IQCJ: variants seen among roughly 807,000 people sequenced by gnomAD.
IQCJ encodes IQ domain-containing protein J.
IQCJ carries 9 observed loss-of-function variants against 11.0 expected under a neutral mutation model. The ratio of observed to expected loss-of-function variants is 0.82; its 90% CI spans 0.49 to 1.43. IQCJ has a LOEUF of 1.43. IQCJ is among the 40% of genes most tolerant of loss of function. The pLI is 0.00. For missense variants in IQCJ, 146 were observed against 133.2 expected, an observed-to-expected ratio of 1.10 and a Z score of -0.47; for synonymous variants, 55 against 51.3, an observed-to-expected ratio of 1.07 and a Z score of -0.31.
chr3:159,115,961 C>T (rs1373781586), intron 1 of IQCJ, among the ~76,000 whole-genome samples: 1 of 152,020 alleles, frequency 6.6e-6, no homozygotes, highest in Non-Finnish European at 1.5e-5. Context: ...AGGAGAAATA[C>T]CTAATGTAGA....
downstream of IQCJ, among the ~76,000 whole-genome samples, chr3:159,264,542 C>T (rs1044696443): frequency 2.0e-5 from 3 of 152,222 alleles, no homozygotes; most frequent in East Asian, 1.9e-4. Flanking sequence ...TCCTGTAGCC[C>T]CACCATATCA....
intron 1 of IQCJ, among the ~76,000 whole-genome samples, chr3:159,237,219 A>G (rs1368237560): frequency 6.6e-6 from 1 of 152,206 alleles, no homozygotes; most frequent in Non-Finnish European, 1.5e-5. Flanking sequence ...TCTGATTTTA[A>G]ACCTGTCCAA....
chr3:159,173,338 C>T (rs1436534911), intron 1 of IQCJ, among the ~76,000 whole-genome samples: 5 of 152,160 alleles, frequency 3.3e-5, no homozygotes, highest in Admixed American at 6.5e-5. Flanking sequence ...GTCCTTGGAA[C>T]TCAGATGGTT....
chr3:159,173,694 G>A (rs917804950), intron 1 of IQCJ, among the ~76,000 whole-genome samples: 2 of 152,094 alleles, frequency 1.3e-5, no homozygotes, highest in African/African-American at 4.8e-5. Flanking sequence ...GAAGTTTGCT[G>A]CCAACTGATT....
Position 159,257,575 on chromosome 3 carries a change from G to A in IQCJ, c.155+4768G>A, listed in dbSNP as rs1727968161. 2.0e-5 allele frequency among the ~76,000 whole-genome samples: 3 copies of A among 152,188 alleles called. No individual in the cohort carries two copies. The South Asian group carries it at 6.2e-4, about 32-fold the overall frequency. Reference sequence around the variant, plus strand: ...AACCGGGCGGATACTGGAGTGGAGGGGAAGCAGGCTGGAAAGAGAGGGCAG... The same window carrying A: ...AACCGGGCGGATACTGGAGTGGAGGAGAAGCAGGCTGGAAAGAGAGGGCAG... On this transcript the variant is annotated intron_variant, in intron 3 of 3. Transcript: ENST00000397832.
intron 1 of IQCJ, among the ~76,000 whole-genome samples, chr3:159,218,353 G>T (rs1725349375): frequency 6.6e-6 from 1 of 151,532 alleles, no homozygotes; most frequent in South Asian, 2.1e-4. Context: ...GTGTGTGTGT[G>T]TGTGTGTGTG....
At chr3:159,229,440 G>A (rs912024400) in intron 1 of IQCJ, among the ~76,000 whole-genome samples, 1 of 151,798 alleles carries the variant, frequency 6.6e-6, no homozygotes, top group Non-Finnish European at 1.5e-5. Context: ...CCTTTCCTTC[G>A]CTCTGGTTAT....
In IQCJ at chr3:159,252,713, A is replaced by G; in HGVS notation, c.75-14A>G. ...CTGGATTGGGAGATATTGAGACATTATTTCTGTTTCTAGTCACCAGCTGGC... is the reference window on the plus strand; with the variant it reads ...CTGGATTGGGAGATATTGAGACATTGTTTCTGTTTCTAGTCACCAGCTGGC... On this transcript the variant is annotated splice_polypyrimidine_tract_variant and intron_variant, in intron 2 of 3. Coordinates refer to ENST00000397832, the MANE Select transcript of IQCJ (RefSeq NM_001042706.3). 1.9e-6 allele frequency: 3 copies of G among 1,609,218 alleles called. No individual in the cohort carries two copies. Among genetic ancestry groups the G allele is most frequent in the South Asian group, 1.1e-5 (1 of 90,188 alleles).
chr3:159,090,220 G>T (rs1717153251), intron 1 of IQCJ, among the ~76,000 whole-genome samples: 1 of 151,654 alleles, frequency 6.6e-6, no homozygotes, highest in Admixed American at 6.6e-5. Flanking sequence ...GTGCCTCCCG[G>T]TTAGGCTGCT....
chr3:159,139,477 A>G (rs1330064480), intron 1 of IQCJ, among the ~76,000 whole-genome samples: 1 of 152,190 alleles, frequency 6.6e-6, no homozygotes, highest in African/African-American at 2.4e-5. Context: ...TTTACTGTCA[A>G]GTCACCAAGC....
chr3:159,138,525 A>G (rs1368479512), intron 1 of IQCJ, among the ~76,000 whole-genome samples: 1 of 152,198 alleles, frequency 6.6e-6, no homozygotes, highest in Non-Finnish European at 1.5e-5. Flanking sequence ...TTCAAAGTAA[A>G]AAGTTATTTT....
intron 1 of IQCJ, among the ~76,000 whole-genome samples, chr3:159,086,545 G>A (rs940140991): frequency 1.7e-4 from 26 of 152,108 alleles, no homozygotes; most frequent in African/African-American, 4.6e-4. Flanking sequence ...CTTTCTACCC[G>A]TGAGCATGGA....
intron 1 of IQCJ, among the ~76,000 whole-genome samples, chr3:159,234,211 A>G (rs1392198969): frequency 6.6e-6 from 1 of 152,184 alleles, no homozygotes; most frequent in African/African-American, 2.4e-5. Flanking sequence ...ATAATGGCAT[A>G]TTTTGCTATT....
chr3:159,131,131 G>A (rs896249058), intron 1 of IQCJ, among the ~76,000 whole-genome samples: 6 of 152,176 alleles, frequency 3.9e-5, no homozygotes, highest in African/African-American at 1.2e-4. Context: ...ATACCTGGAG[G>A]TAGAAGTCCT....
At chr3:159,133,362 GA>G (rs1229720451) in intron 1 of IQCJ, among the ~76,000 whole-genome samples, 1 of 152,140 alleles carries the variant, frequency 6.6e-6, no homozygotes, top group Non-Finnish European at 1.5e-5. Context: ...CATTGTCTTA[GA>G]AAACATGTGA....
chr3:159,074,955 C>T (rs900584658), intron 1 of IQCJ, among the ~76,000 whole-genome samples: 1 of 152,080 alleles, frequency 6.6e-6, no homozygotes. Flanking sequence ...GACATCTTCT[C>T]ATAGAGGAAA....
At chr3:159,104,895 C>T (rs1208968274) in intron 1 of IQCJ, among the ~76,000 whole-genome samples, 3 of 152,220 alleles carry the variant, frequency 2.0e-5, no homozygotes, top group African/African-American at 7.2e-5. Flanking sequence ...CAAGGTCACA[C>T]ATTGTTATAA....
intron 1 of IQCJ, among the ~76,000 whole-genome samples, chr3:159,090,206 T>G (rs1186452990): frequency 6.6e-6 from 1 of 151,682 alleles, no homozygotes; most frequent in Non-Finnish European, 1.5e-5. Flanking sequence ...GCCCCTGCTG[T>G]GGGGTGCCTC....
intron 1 of IQCJ, among the ~76,000 whole-genome samples, chr3:159,133,118 G>C (rs949458292): frequency 1.3e-5 from 2 of 152,128 alleles, no homozygotes; most frequent in Non-Finnish European, 2.9e-5. Flanking sequence ...GAAAAGAAAA[G>C]AGGTATGTAA....
Sources: allele counts gnomAD v4.1 joint callset (sites outside exome capture counted in the v4.1 genomes callset), GRCh38; gene constraint gnomAD v4.1.1; transcripts MANE v1.5; gene names NCBI Gene and HGNC (gene_info 2026-07-23, HGNC 2026-07-21).